The following CMTR1 variants were observed in gnomAD, a reference collection of about 807,000 sequenced individuals.
CMTR1 encodes cap methyltransferase 1.
CMTR1 carries 39 observed loss-of-function variants against 107.0 expected under a neutral mutation model. The ratio of observed to expected loss-of-function variants is 0.36; its 90% CI spans 0.28 to 0.48. CMTR1 has a LOEUF of 0.48. Among genes scored for constraint, CMTR1 ranks in the 20% least tolerant of loss-of-function variants. The pLI, the probability that CMTR1 is intolerant of heterozygous loss-of-function variation, is 0.99. For missense variants in CMTR1, 672 were observed against 1,064.9 expected, an observed-to-expected ratio of 0.63 and a Z score of 5.14; for synonymous variants, 366 against 379.5, an observed-to-expected ratio of 0.96 and a Z score of 0.41.
At position 37,481,308 on chromosome 6, in the gene CMTR1, A is replaced by C; in HGVS notation, c.*1163A>C. The C allele has an allele frequency of 1.6e-6, 2 of 1,212,314 alleles. No individual in the cohort carries two copies. Among genetic ancestry groups the C allele is most frequent in the Non-Finnish European group, 2.1e-6 (2 of 953,128 alleles). The allele number at this position is 1,212,314 out of a possible 1,614,324, so 75.1% of individuals were successfully genotyped here. On this transcript the variant is annotated 3_prime_UTR_variant, in exon 24 of 24. Coordinates refer to ENST00000373451, the MANE Select transcript of CMTR1 (RefSeq NM_015050.3). ...CTCCCTAGGGCCCCATCCCAGTGCC[A>C]GGCTGGTTTCCATGGAGATAGGGCA...
rs994164055 is a variant in CMTR1 at position 37,480,150 on chromosome 6, C to T, written c.*5C>T. ...ATCCAGATGCACAGGGCCTAAGAGC[C>T]TCAGAATGTGCCACCCCTGCAGAAT... On this transcript the variant is annotated 3_prime_UTR_variant, in exon 24 of 24. Transcript: ENST00000373451. 7.5e-6 allele frequency: 12 copies of T among 1,597,402 alleles called. No individual in the cohort carries two copies. The highest frequency in any genetic ancestry group is 2.7e-5 in the African/African-American group (2 of 73,812).
At chr6:37,440,340 C>T (rs545035263) in intron 2 of CMTR1, among the ~76,000 whole-genome samples, 44 of 152,158 alleles carry the variant, frequency 2.9e-4, no homozygotes, top group South Asian at 1.7e-3. Flanking sequence ...CTGCTGCAGC[C>T]GTGACAATTG....
At chr6:37,451,358 TA>T (rs1486492900) in intron 5 of CMTR1, among the ~76,000 whole-genome samples, 3 of 152,200 alleles carry the variant, frequency 2.0e-5, no homozygotes, top group Admixed American at 2.0e-4. Context: ...TGAGACCCCT[TA>T]GCGTCCCTGT....
chr6:37,424,526 TG>T, the CMTR1 span, among the ~76,000 whole-genome samples: 6 of 151,988 alleles, frequency 3.9e-5, no homozygotes, highest in African/African-American at 1.4e-4. Context: ...GGATTACAGG[TG>T]TGAGCCACCG....
chr6:37,440,605 C>G (rs926139793), intron 2 of CMTR1, among the ~76,000 whole-genome samples: 1 of 152,146 alleles, frequency 6.6e-6, no homozygotes, highest in African/African-American at 2.4e-5. Flanking sequence ...CTCTTAGAAC[C>G]TGGAAAGGAT....
At chr6:37,432,113 C>T (rs1044113091), upstream of CMTR1, among the ~76,000 whole-genome samples, 7 of 152,124 alleles carry the variant, frequency 4.6e-5, no homozygotes, top group African/African-American at 1.7e-4. Flanking sequence ...CCACCGCGCC[C>T]GGCGGAGACA....
chr6:37,467,057 C>T (rs535840243), intron 13 of CMTR1, among the ~76,000 whole-genome samples: 1 of 152,132 alleles, frequency 6.6e-6, no homozygotes, highest in East Asian at 1.9e-4. Flanking sequence ...GTGGTAGCTA[C>T]TCAGGAGGCT....
At chr6:37,474,476 C>T (rs1761693884) in intron 17 of CMTR1, 48 bp from the exon 18 acceptor site, 1 of 1,609,280 alleles carries the variant, frequency 6.2e-7, no homozygotes, top group South Asian at 1.1e-5. Context: ...GCCTCTTATC[C>T]CTCGATCTCC....
intron 1 of CMTR1, among the ~76,000 whole-genome samples, chr6:37,435,388 T>G (rs951463720): frequency 3.9e-5 from 6 of 152,218 alleles, no homozygotes; most frequent in Non-Finnish European, 7.3e-5. Context: ...GGCCCAGGGC[T>G]CTCTCAGTCT....
At position 37,456,746 on chromosome 6, in the gene CMTR1, A is replaced by G. The variant is rs371676284; in HGVS notation, c.778-1866A>G. ...TAGTCTTTTGCAGTTACTCACTTGT[A>G]GAACTCAACCTTTTGTTGTTGTCAC... On this transcript the variant is annotated intron_variant, in intron 8 of 23. Coordinates refer to ENST00000373451, the MANE Select transcript of CMTR1 (RefSeq NM_015050.3). Among the ~76,000 whole-genome samples, 11 of 152,330 alleles carry G rather than the reference A, an allele frequency of 7.2e-5. No individual in the cohort carries two copies. In the South Asian group the frequency reaches 8.3e-4, roughly 11 times the overall value.
In CMTR1 at chr6:37,446,351, A is replaced by G; in HGVS notation, c.346A>G (p.Ile116Val). The G allele has an allele frequency of 1.9e-6, 3 of 1,614,218 alleles. No individual in the cohort carries two copies. Among genetic ancestry groups the G allele is most frequent in the South Asian group, 1.1e-5 (1 of 91,088 alleles). Reference sequence around the variant, plus strand: ...TAAATACAGCCAGGGTCGGAAGGACATCGTTGAGGCTTCCAGTCAGAAAGG... The same window carrying G: ...TAAATACAGCCAGGGTCGGAAGGACGTCGTTGAGGCTTCCAGTCAGAAAGG... Reference protein sequence around the residue: ...LGKYSQGRKDIVEASSQKGRR... With the variant: ...LGKYSQGRKDVVEASSQKGRR... The change falls in exon 4 of 24, where the codon ATC becomes GTC. Residue 116 changes from isoleucine (I) to valine (V), a missense_variant. By Grantham distance (29) the Ile-to-Val change is conservative (BLOSUM62 3). This residue lies in a region of CMTR1 where 583 missense variants were observed against 968.4 expected (regional missense o/e 0.60). Transcript: ENST00000373451.
the CMTR1 span, among the ~76,000 whole-genome samples, chr6:37,424,539 G>A: frequency 1.3e-5 from 2 of 151,910 alleles, no homozygotes; most frequent in Non-Finnish European, 2.9e-5. Context: ...GAGCCACCGC[G>A]CCCGGCCTAG....
the CMTR1 span, among the ~76,000 whole-genome samples, chr6:37,426,073 T>C: frequency 3.3e-5 from 5 of 152,218 alleles, no homozygotes; most frequent in Non-Finnish European, 4.4e-5. Flanking sequence ...TGAATACTTC[T>C]AGTGAGTATA....
At position 37,478,370 on chromosome 6, in the gene CMTR1, C is replaced by T. The variant is rs368368633; in HGVS notation, c.2154-39C>T. 3.3e-6 allele frequency: 5 copies of T among 1,504,068 alleles called. No homozygotes were observed. In the African/African-American group the frequency reaches 5.5e-5, roughly 17 times the overall value. The allele number at this position is 1,504,068 out of a possible 1,614,324, so 93.2% of individuals were successfully genotyped here. On this transcript the variant is annotated intron_variant, in intron 21 of 23. Transcript: ENST00000373451. ...AGAGACTAATTTTATCAGCCAGGGC[C>T]TTTTCTCTCTCATGCACGTACCTTC...
chr6:37,476,328 AGTTT>A (rs1014809553), intron 20 of CMTR1, 134 bp downstream of exon 20: 7 of 919,728 alleles, frequency 7.6e-6, no homozygotes, highest in African/African-American at 6.6e-5. Context: ...CTTGCCATGA[AGTTT>A]GTTTGGGGGT....
chr6:37,462,696 T>C, intron 12 of CMTR1, 133 bp from the exon 13 acceptor site: 1 of 759,432 alleles, frequency 1.3e-6, no homozygotes, highest in Non-Finnish European at 2.2e-6. Flanking sequence ...AGGGTCTGTG[T>C]TGTTCTTTGT....
chr6:37,464,892 CTGTGTGTG>C (rs61375488), intron 13 of CMTR1, among the ~76,000 whole-genome samples: 2,575 of 148,314 alleles, frequency 0.017, 75 homozygotes, highest in African/African-American at 0.058. Context: ...TTCTAAAACG[CTGTGTGTG>C]TGTGTGTGTG....
chr6:37,433,722 C>T (rs899185794), intron 1 of CMTR1, among the ~76,000 whole-genome samples: 4 of 152,230 alleles, frequency 2.6e-5, no homozygotes, highest in African/African-American at 9.6e-5. Flanking sequence ...TGAACCCCTT[C>T]TGTGCGGAAG....
chr6:37,428,814 G>GT (rs568592986), upstream of CMTR1, among the ~76,000 whole-genome samples: 3 of 152,098 alleles, frequency 2.0e-5, no homozygotes, highest in Non-Finnish European at 4.4e-5. Flanking sequence ...TTCTCTGGCT[G>GT]TTTTTAACAT....
Sources: allele counts gnomAD v4.1 joint callset (sites outside exome capture counted in the v4.1 genomes callset), GRCh38; gene constraint gnomAD v4.1.1; regional missense constraint gnomAD v4.1.1; transcripts MANE v1.5; gene names NCBI Gene and HGNC (gene_info 2026-07-23, HGNC 2026-07-21).